FNTB: variants seen among roughly 807,000 people sequenced by gnomAD.
FNTB encodes the protein protein farnesyltransferase subunit beta.
A neutral mutation model predicts 59.4 loss-of-function variants in FNTB; 27 were observed. That is an observed-to-expected ratio of 0.45 (90% CI 0.34 to 0.63). FNTB has a LOEUF of 0.63. FNTB is among the 20% of genes least tolerant of loss of function. The probability of loss-of-function intolerance (pLI) is 0.02; values close to 1 mark genes in which losing one functional copy is unlikely to be tolerated. For missense variants in FNTB, 449 were observed against 559.6 expected (o/e 0.80, Z 1.99); for synonymous variants, 230 against 220.7 (o/e 1.04, Z -0.37).
At chr14:65,035,282 G>A (rs919472987) in intron 7 of FNTB, among the ~76,000 whole-genome samples, 4 of 152,158 alleles carry the variant, frequency 2.6e-5, no homozygotes, top group African/African-American at 9.7e-5. Flanking sequence ...TGGGGGAAGG[G>A]AGGGACTAAC....
At position 65,019,251 on chromosome 14, in the gene FNTB, C is replaced by G. The variant is rs558699733; in HGVS notation, c.374+3535C>G. 7.2e-5 allele frequency among the ~76,000 whole-genome samples: 11 copies of G among 151,924 alleles called. No homozygotes were observed. In the South Asian group the frequency reaches 2.1e-3, roughly 29 times the overall value. ...GCTGTAATCCCAGGACTTTGAGAGG[C>G]TGAGACAGGCGGATTACTTGAGGTC... On this transcript the variant is annotated intron_variant, in intron 4 of 11. Coordinates refer to ENST00000246166, the MANE Select transcript of FNTB (RefSeq NM_002028.4).
intron 1 of FNTB, among the ~76,000 whole-genome samples, chr14:64,999,844 T>C (rs770791011): frequency 6.6e-6 from 1 of 152,204 alleles, no homozygotes; most frequent in Non-Finnish European, 1.5e-5. Context: ...CATTGGAAAA[T>C]CACTTGTTCA....
chr14:64,995,674 T>A (rs1888364747), intron 1 of FNTB, among the ~76,000 whole-genome samples: 1 of 150,568 alleles, frequency 6.6e-6, no homozygotes, highest in African/African-American at 2.4e-5. Flanking sequence ...ACATACTTAG[T>A]TTATATTATA....
rs868784226 is a variant in FNTB, at chr14:65,001,700, C to A, written c.145-2549C>A. Reference sequence around the variant, plus strand: ...GCAAATCTTTATTTAATGATCTTACCAATTTCTTATATATTTTTCTATCCC... The same window carrying A: ...GCAAATCTTTATTTAATGATCTTACAAATTTCTTATATATTTTTCTATCCC... On this transcript the variant is annotated intron_variant, in intron 1 of 11. Coordinates refer to ENST00000246166, the MANE Select transcript of FNTB (RefSeq NM_002028.4). This position sits in a 1 kb window ranked among gnomAD's most constrained non-coding sequence, Gnocchi z 5.5. Among the ~76,000 whole-genome samples the A allele has an allele frequency of 5.3e-5, 8 of 152,114 alleles. No homozygotes were observed. The highest frequency in any genetic ancestry group is 7.3e-5 in the Non-Finnish European group (5 of 68,030).
rs539376258 is a variant in FNTB, at chr14:65,014,028, C to T, written c.283-1597C>T. 6.6e-6 allele frequency among the ~76,000 whole-genome samples: 1 copy of T among 152,336 alleles called. No homozygotes were observed. Among genetic ancestry groups the T allele is most frequent in the African/African-American group, 2.4e-5 (1 of 41,572 alleles). On this transcript the variant is annotated intron_variant, in intron 3 of 11. Transcript: ENST00000246166. This position sits in a 1 kb window ranked among gnomAD's most constrained non-coding sequence, Gnocchi z 5.1. ...GCAGTGTCTTCAGTAGCTCACCAGC[C>T]TACCTTCCAGGTGGTGGGTTAGCCA...
At chr14:65,052,436 T>C (rs73270842) in intron 9 of FNTB, among the ~76,000 whole-genome samples, 1,760 of 152,294 alleles carry the variant, frequency 0.012, 28 homozygotes, top group African/African-American at 0.04. Flanking sequence ...AAATATAAAA[T>C]TGACCAAGGA....
intron 3 of FNTB, among the ~76,000 whole-genome samples, chr14:65,015,275 G>A (rs2061749101): frequency 1.3e-5 from 2 of 151,684 alleles, no homozygotes; most frequent in South Asian, 4.2e-4. Context: ...GCTAATTTTT[G>A]TAATTTTAAT....
chr14:64,996,766 C>CTTTTTT (rs34327825), intron 1 of FNTB, among the ~76,000 whole-genome samples: 28 of 94,384 alleles, frequency 3.0e-4, no homozygotes, highest in Non-Finnish European at 4.0e-4. Context: ...TTGCTAACAT[C>CTTTTTT]TTTTTTTTTT....
At chr14:65,051,833 C>T (rs1422499272) in intron 9 of FNTB, among the ~76,000 whole-genome samples, 6 of 145,046 alleles carry the variant, frequency 4.1e-5, no homozygotes, top group East Asian at 2.0e-4. Flanking sequence ...CTCGCTGTGT[C>T]GCCCAGGCTG....
chr14:65,020,755 GGAGTTTT>G (rs970449393), intron 4 of FNTB, among the ~76,000 whole-genome samples: 1 of 97,702 alleles, frequency 1.0e-5, no homozygotes, highest in African/African-American at 3.9e-5. Flanking sequence ...TTTTTGAGAC[GGAGTTTT>G]GCTCTTGTTG....
In FNTB at chr14:65,032,677, A is replaced by G; in HGVS notation, c.673A>G (p.Thr225Ala). The part of the protein sequence containing the change: ...NIITPDLFEG[T>A]AEWIARCQNW... ...CATCACTCCAGACCTCTTTGAGGGC[A>G]CTGCTGAATGGATAGCAAGGTGAGA... Residue 225 changes from threonine to alanine, a missense_variant, in exon 7 of 12, where the codon ACT becomes GCT. Physicochemically the swap from Thr to Ala is moderately conservative, Grantham distance 58. This residue lies in a region of FNTB where 337 missense variants were observed against 479.1 expected (regional missense o/e 0.70). Transcript: ENST00000246166. The surrounding 1 kb of genome is among the most constrained non-coding windows in gnomAD (Gnocchi z 5.0). The G allele has an allele frequency of 1.4e-5, 22 of 1,613,908 alleles. No homozygotes were observed. The highest frequency in any genetic ancestry group is 1.9e-5 in the Non-Finnish European group (22 of 1,179,990).
rs577476268 is a variant in FNTB at position 65,021,402 on chromosome 14, C to A, written c.374+5686C>A. 3.5e-4 allele frequency among the ~76,000 whole-genome samples: 53 copies of A among 152,250 alleles called. 1 individual carries two copies. Among genetic ancestry groups the A allele is most frequent in the Middle Eastern group, 3.4e-3 (1 of 294 alleles). On this transcript the variant is annotated intron_variant, in intron 4 of 11. Transcript: ENST00000246166. ...TTTCAAAAGGTTGTTAGTAGCTTAT[C>A]CCCGGAATAGCCCCTTAAATATTTT...
Position 65,012,125 on chromosome 14 carries a change from A to AT in FNTB, c.210-190dup. 1.7e-6 allele frequency: 1 copy of AT among 595,788 alleles called. No homozygotes were observed. The highest frequency in any genetic ancestry group is 2.0e-5 in the South Asian group (1 of 50,008). 36.9% of individuals were successfully genotyped at this position (595,788 alleles called of 1,614,324 possible). ...CATGGTTTTCAGATGCTTTAGAGACATTCAGACAAGAGCTTCTTTTCTCTG... is the reference window on the plus strand; with the variant it reads ...CATGGTTTTCAGATGCTTTAGAGACATTTCAGACAAGAGCTTCTTTTCTCTG... On this transcript the variant is annotated intron_variant, in intron 2 of 11. Coordinates refer to ENST00000246166, the MANE Select transcript of FNTB (RefSeq NM_002028.4). This position sits in a 1 kb window ranked among gnomAD's most constrained non-coding sequence, Gnocchi z 5.0.
chr14:65,055,071 G>A (rs752981950), intron 11 of FNTB, among the ~76,000 whole-genome samples: 3 of 152,356 alleles, frequency 2.0e-5, no homozygotes, highest in Admixed American at 6.5e-5. Flanking sequence ...AGCCTGCCGC[G>A]TCTCTCCCAG....
At chr14:65,004,226 C>A (rs768934987) in intron 1 of FNTB, 23 bp from the exon 2 acceptor site, 2 of 1,611,018 alleles carry the variant, frequency 1.2e-6, no homozygotes, top group Admixed American at 3.4e-5. Context: ...TTTTCTCTCT[C>A]CTATCTCCTG....
chr14:65,024,989 T>C (rs2061953969), intron 4 of FNTB, among the ~76,000 whole-genome samples: 1 of 152,236 alleles, frequency 6.6e-6, no homozygotes, highest in African/African-American at 2.4e-5. Context: ...TCAGAATTGC[T>C]AAGAAGTCTG....
intron 9 of FNTB, among the ~76,000 whole-genome samples, chr14:65,048,310 A>G (rs1007546965): frequency 4.0e-5 from 6 of 148,970 alleles, no homozygotes; most frequent in Non-Finnish European, 5.9e-5. Flanking sequence ...ATCCTTCTGT[A>G]TTATACTGTG....
At position 65,061,458 on chromosome 14, in the gene FNTB, A is replaced by C; in HGVS notation, c.*146A>C. On this transcript the variant is annotated 3_prime_UTR_variant, in exon 12 of 12. Coordinates refer to ENST00000246166, the MANE Select transcript of FNTB (RefSeq NM_002028.4). ...TCTTGGTACTTTCTTGTCAAACAAA[A>C]CCAATGGCTCTGGGTTTGGAGAACA... The C allele has an allele frequency of 1.5e-6, 2 of 1,344,556 alleles. No individual in the cohort carries two copies. Among genetic ancestry groups the C allele is most frequent in the Non-Finnish European group, 2.0e-6 (2 of 1,017,130 alleles). 83.3% of individuals were successfully genotyped at this position (1,344,556 alleles called of 1,614,324 possible). A position where few individuals can be genotyped will look rare whatever the true frequency, so the allele number is the denominator to read the frequency against.
At position 64,997,654 on chromosome 14, in the gene FNTB, A is replaced by T. The variant is rs1020196547; in HGVS notation, c.145-6595A>T. Reference sequence around the variant, plus strand: ...GGTGGCATAGACTTCAGGTTTAACTACAGTGTTCAACTGAAACAAAGAAGG... The same window carrying T: ...GGTGGCATAGACTTCAGGTTTAACTTCAGTGTTCAACTGAAACAAAGAAGG... On this transcript the variant is annotated intron_variant, in intron 1 of 11. Transcript: ENST00000246166. The surrounding 1 kb of genome is among the most constrained non-coding windows in gnomAD (Gnocchi z 4.5). Among the ~76,000 whole-genome samples the T allele has an allele frequency of 2.6e-5, 4 of 152,212 alleles. No homozygotes were observed. The highest frequency in any genetic ancestry group is 5.9e-5 in the Non-Finnish European group (4 of 68,040).
Sources: allele counts gnomAD v4.1 joint callset (sites outside exome capture counted in the v4.1 genomes callset), GRCh38; gene constraint gnomAD v4.1.1; regional missense constraint gnomAD v4.1.1; non-coding constraint Gnocchi (gnomAD v3.1); transcripts MANE v1.5; gene names NCBI Gene and HGNC (gene_info 2026-07-23, HGNC 2026-07-21).